Variants in ABCA10 observed in about 807,000 individuals in gnomAD.
ABCA10 encodes ATP binding cassette subfamily A member 10, also known as ATP-binding cassette sub-family A member 10.
A neutral mutation model predicts 187.5 loss-of-function variants in ABCA10; 169 were observed. The observed-to-expected ratio is 0.90, with a 90% CI of 0.80 to 1.02. ABCA10 has a LOEUF of 1.02. Among genes scored for constraint, ABCA10 ranks in the 50% least tolerant of loss-of-function variants. The probability of loss-of-function intolerance (pLI) is 0.00; values close to 1 mark genes in which losing one functional copy is unlikely to be tolerated. For synonymous variants in ABCA10, 574 were observed against 601.8 expected (o/e 0.95, Z 0.68); for missense variants, 1,727 against 1,812.4 (o/e 0.95, Z 0.86).
At chr17:69,165,181 T>G in intron 25 of ABCA10, 98 bp from the exon 26 acceptor site, 2 of 1,032,958 alleles carry the variant, frequency 1.9e-6, no homozygotes, top group Non-Finnish European at 2.8e-6. Flanking sequence ...GATACTGCCA[T>G]TTTCAACTTT....
intron 22 of ABCA10, among the ~76,000 whole-genome samples, chr17:69,177,488 G>C (rs1011703278): frequency 2.0e-5 from 3 of 152,122 alleles, no homozygotes; most frequent in South Asian, 2.1e-4. Context: ...GCTAACCAGT[G>C]AAAGTCATTA....
rs2074415541 is a variant in ABCA10 at position 69,185,634 on chromosome 17, T to C, written c.2340A>G (p.Val780=). Residue 780 remains valine (V), a synonymous_variant, in exon 20 of 39, where the codon GTA becomes GTG. Transcript: ENST00000690296. ...ERRALLCLLL[V]LGIAFIPIIL... is the part of the protein sequence containing the mutation. ...TGATGGGGATAAAAGCAATTCCAAGTACTAGTAACCTAAGTAAAACAAAAT... is the reference window on the plus strand; with the variant it reads ...TGATGGGGATAAAAGCAATTCCAAGCACTAGTAACCTAAGTAAAACAAAAT... The C allele has an allele frequency of 6.2e-7, 1 of 1,603,332 alleles. No homozygotes were observed. The highest frequency in any genetic ancestry group is 8.5e-7 in the Non-Finnish European group (1 of 1,173,666).
intron 11 of ABCA10, among the ~76,000 whole-genome samples, chr17:69,195,525 T>G (rs2074491745): frequency 6.7e-6 from 1 of 150,126 alleles, no homozygotes; most frequent in African/African-American, 2.4e-5. Flanking sequence ...GTGTTTTAAT[T>G]TGAAGCATTA....
intron 8 of ABCA10, 92 bp downstream of exon 8, chr17:69,215,723 C>T: frequency 8.4e-7 from 1 of 1,190,934 alleles, no homozygotes; most frequent in Non-Finnish European, 1.1e-6. Context: ...CACAGAGTGG[C>T]TGATTATTAA....
rs1568072187 is a variant in ABCA10 at position 69,215,991 on chromosome 17, C to A, written c.682G>T (p.Ala228Ser). ...SLYGLSLIAL[A>S]FLMSVLIRKP... ...CTTATTAAAACACTCATGAGGAAAG[C>A]CAATGCTATCTGAAGGAAGAAAGAG... Residue 228 changes from alanine (A) to serine (S), a missense_variant, in exon 8 of 39, where the codon GCT becomes TCT. Coordinates refer to ENST00000690296, the MANE Select transcript of ABCA10 (RefSeq NM_001377321.1). 2 of 1,610,888 alleles carry A rather than the reference C, an allele frequency of 1.2e-6. No homozygotes were observed. Among genetic ancestry groups the A allele is most frequent in the Non-Finnish European group, 8.5e-7 (1 of 1,179,244 alleles).
chr17:69,163,843 CA>C (rs1283443858), intron 27 of ABCA10, among the ~76,000 whole-genome samples: 3 of 152,152 alleles, frequency 2.0e-5, no homozygotes, highest in Admixed American at 6.5e-5. Flanking sequence ...TACATATCAA[CA>C]ATGTCTATCA....
At chr17:69,171,088 G>C (rs1389268212) in intron 25 of ABCA10, among the ~76,000 whole-genome samples, 1 of 152,136 alleles carries the variant, frequency 6.6e-6, no homozygotes, top group Non-Finnish European at 1.5e-5. Context: ...CTAATACAGA[G>C]TCTTCGGAGT....
rs757890274 is a variant in ABCA10, at chr17:69,201,652, C to A, written c.1023G>T (p.Gly341=). The A allele has an allele frequency of 3.1e-6, 5 of 1,601,822 alleles. No individual in the cohort carries two copies. Among genetic ancestry groups the A allele is most frequent in the Non-Finnish European group, 4.3e-6 (5 of 1,175,912 alleles). ...ACTTAAGGAAAAATAATGGAGAATCCCCATGGCCATCTTTATCTAATTAAT... is the reference window on the plus strand; with the variant it reads ...ACTTAAGGAAAAATAATGGAGAATCACCATGGCCATCTTTATCTAATTAAT... ...ERVLPDKDGH[G]DSPLFFLKSS... The change falls in exon 10 of 39, where the codon GGG becomes GGT. Residue 341 remains glycine (G), a synonymous_variant. Transcript: ENST00000690296.
intron 20 of ABCA10, 102 bp downstream of exon 20, chr17:69,185,375 C>G: frequency 1.7e-6 from 2 of 1,202,856 alleles, no homozygotes; most frequent in Admixed American, 2.6e-5. Context: ...ATGGAGCAAG[C>G]TGGATAGACA....
intron 18 of ABCA10, 43 bp downstream of exon 18, chr17:69,190,315 C>T: frequency 6.6e-7 from 1 of 1,508,826 alleles, no homozygotes; most frequent in Non-Finnish European, 8.8e-7. Flanking sequence ...TTTTTCTCTT[C>T]TCTTTTTTTT....
In ABCA10 at chr17:69,192,547, C is replaced by A. The variant is rs756333526; in HGVS notation, c.1871+16G>T. ...TAATATGCTCATTTAAAAATAACTA[C>A]ACCTAGAATACATACCTTAAATGAT... On this transcript the variant is annotated intron_variant, in intron 16 of 38. Transcript: ENST00000690296. 3 of 1,586,038 alleles carry A rather than the reference C, an allele frequency of 1.9e-6. No homozygotes were observed. The highest frequency in any genetic ancestry group is 2.6e-6 in the Non-Finnish European group (3 of 1,158,322).
chr17:69,185,979 T>C (rs767845105), intron 19 of ABCA10, among the ~76,000 whole-genome samples: 1 of 152,202 alleles, frequency 6.6e-6, no homozygotes, highest in Non-Finnish European at 1.5e-5. Flanking sequence ...TGGGTACTTT[T>C]GATGAGAAAG....
At chr17:69,155,992 C>A (rs1287446804) in intron 28 of ABCA10, 67 bp from the exon 29 acceptor site, 5 of 1,468,702 alleles carry the variant, frequency 3.4e-6, no homozygotes, top group Non-Finnish European at 4.6e-6. Context: ...AAATGTAAAC[C>A]CCTATAATTA....
In ABCA10 at chr17:69,191,257, T is replaced by C. The variant is rs761444939; in HGVS notation, c.1930A>G (p.Ile644Val). The C allele has an allele frequency of 1.9e-6, 3 of 1,606,594 alleles. No individual in the cohort carries two copies. In the African/African-American group the frequency reaches 4.0e-5, roughly 21 times the overall value. ...EKITSLIKQHIPDAKLTTESE... is the reference protein window; with the variant it reads ...EKITSLIKQHVPDAKLTTESE... ...TCTGTTGTTAACTTGGCATCAGGAATGTGCTGCTTAATAAGGGATGTGATT... is the reference window on the plus strand; with the variant it reads ...TCTGTTGTTAACTTGGCATCAGGAACGTGCTGCTTAATAAGGGATGTGATT... Residue 644 changes from isoleucine to valine, a missense_variant, in exon 17 of 39, where the codon ATT becomes GTT. Transcript: ENST00000690296.
intron 2 of ABCA10, among the ~76,000 whole-genome samples, chr17:69,226,670 G>A (rs1860121): frequency 0.77 from 117,525 of 151,816 alleles, 46,076 homozygotes; most frequent in African/African-American, 0.86. Context: ...AAAGTTTGCA[G>A]ATTTTTACTC....
In ABCA10 at chr17:69,185,538, G is replaced by A. The variant is rs1187651942; in HGVS notation, c.2436C>T (p.Phe812=). 4.3e-6 allele frequency: 7 copies of A among 1,613,542 alleles called. No homozygotes were observed. Among genetic ancestry groups the A allele is most frequent in the Non-Finnish European group, 8.5e-7 (1 of 1,179,702 alleles). The stretch of plus-strand genomic sequence containing the variant: ...TCTTCGGGATTTGTTCCAGAGAAAG[G>A]AAATACATACTGGGTGAAAACTCCC... ...HCWEFSPSMY[F]LSLEQIPKTP... Residue 812 remains phenylalanine, a synonymous_variant, in exon 20 of 39, where the codon TTC becomes TTT. Transcript: ENST00000690296.
intron 1 of ABCA10, chr17:69,233,922 A>G (rs2074847474): frequency 6.6e-6 from 1 of 152,278 alleles, no homozygotes; most frequent in South Asian, 2.1e-4. Context: ...AAATCTGGCC[A>G]GAAACCTAAA....
At chr17:69,223,637 C>A in intron 3 of ABCA10, 1 of 442,584 alleles carries the variant, frequency 2.3e-6, no homozygotes, top group Admixed American at 2.5e-5. Context: ...CCTTTCAAAA[C>A]TCCTCATCCT....
chr17:69,167,046 G>A (rs2074259264), intron 25 of ABCA10, among the ~76,000 whole-genome samples: 1 of 152,172 alleles, frequency 6.6e-6, no homozygotes. Context: ...ACAACAAGAA[G>A]GCCTGGACAA....
Sources: gnomAD v4.1 joint callset for allele counts (sites outside exome capture counted in the v4.1 genomes callset) on GRCh38, gnomAD v4.1.1 for gene constraint, MANE v1.5 for transcripts, NCBI Gene and HGNC (gene_info 2026-07-23, HGNC 2026-07-21) for gene names.